Variants in FN3K observed in about 807,000 individuals in gnomAD.
FN3K encodes the protein fructosamine-3-kinase.
A neutral mutation model predicts 24.8 loss-of-function variants in FN3K; 24 were observed. The observed-to-expected ratio is 0.97, with a 90% CI of 0.70 to 1.36. The LOEUF (loss-of-function observed/expected upper bound fraction) is 1.36, where lower values mean the gene tolerates loss of function less well. FN3K is among the 40% of genes most tolerant of loss of function. The pLI, the probability that FN3K is intolerant of heterozygous loss-of-function variation, is 0.00. For missense variants in FN3K, 449 were observed against 416.7 expected, an observed-to-expected ratio of 1.08 and a Z score of -0.67; for synonymous variants, 192 against 175.2, an observed-to-expected ratio of 1.10 and a Z score of -0.76.
intron 4 of FN3K, chr17:82,742,796 A>C (rs2143645707): frequency 2.2e-6 from 1 of 446,114 alleles, no homozygotes; most frequent in East Asian, 7.1e-5. Context: ...GTTCAAAGTC[A>C]CTGCTTCTTG....
rs773269165 is a variant in FN3K, at chr17:82,740,746, A to C, written c.294-17A>C. On this transcript the variant is annotated splice_polypyrimidine_tract_variant and intron_variant, in intron 2 of 5. Coordinates refer to ENST00000300784, the MANE Select transcript of FN3K (RefSeq NM_022158.4). ...ATTATTTGTTATTTTAATTAGCTGC[A>C]TTTCTTCTTTCCTCAGTCAAGCATC... 1 of 1,584,780 alleles carries C rather than the reference A, an allele frequency of 6.3e-7. No homozygotes were observed. Among genetic ancestry groups the C allele is most frequent in the Non-Finnish European group, 8.7e-7 (1 of 1,154,118 alleles).
chr17:82,748,222 C>T (rs1384370502), intron 4 of FN3K, among the ~76,000 whole-genome samples: 3 of 151,110 alleles, frequency 2.0e-5, no homozygotes, highest in Non-Finnish European at 4.4e-5. Context: ...GATCTCGGCT[C>T]ACTGCACCCT....
intron 2 of FN3K, among the ~76,000 whole-genome samples, chr17:82,738,963 AAC>A (rs1158251453): frequency 1.8e-5 from 2 of 113,670 alleles, no homozygotes; most frequent in East Asian, 2.2e-4. Flanking sequence ...TTTTTTTTGA[AAC>A]ACAGTCTCGC....
intron 1 of FN3K, among the ~76,000 whole-genome samples, chr17:82,737,114 C>T (rs767694731): frequency 4.6e-5 from 7 of 152,182 alleles, no homozygotes; most frequent in Non-Finnish European, 8.8e-5. Flanking sequence ...CACCCACCCT[C>T]GGTGCAGGCT....
chr17:82,749,669 GA>G (rs976373360), intron 5 of FN3K: 1 of 156,970 alleles, frequency 6.4e-6, no homozygotes, highest in Non-Finnish European at 1.4e-5. Flanking sequence ...GTATCAAAAA[GA>G]AAAAAAATCA....
At chr17:82,749,357 ATGAC>A in intron 5 of FN3K, 1 of 349,968 alleles carries the variant, frequency 2.9e-6, no homozygotes. Flanking sequence ...ATGATCCAGA[ATGAC>A]TGATTTCAAA....
chr17:82,738,925 C>CGTATATATAT (rs1261335715), intron 2 of FN3K, among the ~76,000 whole-genome samples: 2 of 104,088 alleles, frequency 1.9e-5, no homozygotes, highest in African/African-American at 8.3e-5. Flanking sequence ...TATATATACA[C>CGTATATATAT]ATATATATAT....
intron 4 of FN3K, 72 bp from the exon 5 acceptor site, chr17:82,748,783 A>G: frequency 1.2e-6 from 2 of 1,609,692 alleles, no homozygotes; most frequent in South Asian, 2.2e-5. Flanking sequence ...TGGGTTTTGA[A>G]TGGTCCCTCT....
intron 1 of FN3K, chr17:82,738,260 C>T: frequency 8.7e-6 from 5 of 573,714 alleles, no homozygotes; most frequent in Non-Finnish European, 1.6e-5. Flanking sequence ...AGCCTGCAGA[C>T]CCCACACCCC....
At chr17:82,747,915 G>A (rs1228855623) in intron 4 of FN3K, among the ~76,000 whole-genome samples, 1 of 152,154 alleles carries the variant, frequency 6.6e-6, no homozygotes, top group East Asian at 1.9e-4. Context: ...TAGGGGTTAG[G>A]GCTTCAACGT....
intron 2 of FN3K, among the ~76,000 whole-genome samples, chr17:82,739,948 G>C (rs1267339169): frequency 1.3e-5 from 2 of 151,842 alleles, no homozygotes; most frequent in African/African-American, 4.8e-5. Flanking sequence ...CTGTCGCCCA[G>C]GCTGGAGTGC....
At position 82,750,804 on chromosome 17, in the gene FN3K, CGTCCCT is replaced by C. The variant is rs747183311; in HGVS notation, c.*55_*60del. 2.5e-5 allele frequency: 37 copies of C among 1,494,132 alleles called. No individual in the cohort carries two copies. Among genetic ancestry groups the C allele is most frequent in the South Asian group, 3.5e-5 (3 of 86,078 alleles). 92.6% of individuals were successfully genotyped at this position (1,494,132 alleles called of 1,614,324 possible). A position where few individuals can be genotyped will look rare whatever the true frequency, so the allele number is the denominator to read the frequency against. On this transcript the variant is annotated 3_prime_UTR_variant, in exon 6 of 6. Coordinates refer to ENST00000300784, the MANE Select transcript of FN3K (RefSeq NM_022158.4). Reference sequence around the variant, plus strand: ...GTCCCCGTCCCCGTCTCCGTCTCCCCGTCCCTGTCCCCCCGTCCCCCGTCCCTGTGC... The same window carrying C: ...GTCCCCGTCCCCGTCTCCGTCTCCCCGTCCCCCCGTCCCCCGTCCCTGTGC...
chr17:82,743,973 C>T (rs1232350920), intron 4 of FN3K, among the ~76,000 whole-genome samples: 1 of 152,268 alleles, frequency 6.6e-6, no homozygotes, highest in Non-Finnish European at 1.5e-5. Flanking sequence ...CGCCTGCTTC[C>T]AGCACTAAAC....
intron 1 of FN3K, among the ~76,000 whole-genome samples, chr17:82,737,076 C>T (rs1568066796): frequency 6.6e-6 from 1 of 152,104 alleles, no homozygotes; most frequent in Non-Finnish European, 1.5e-5. Context: ...TGGGGTGTGC[C>T]GGCCGCCCTC....
Position 82,735,706 on chromosome 17 carries a change from T to A in FN3K, c.70T>A (p.Cys24Ser). The A allele has an allele frequency of 6.5e-7, 1 of 1,549,062 alleles. No homozygotes were observed. Among genetic ancestry groups the A allele is most frequent in the Non-Finnish European group, 8.7e-7 (1 of 1,149,216 alleles). The part of the protein sequence containing the change: ...LRAFGGPGAG[C>S]ISEGRAYDTD... Reference sequence around the variant, plus strand: ...GGCCTTCGGCGGCCCCGGCGCCGGCTGCATCAGCGAGGGCCGAGCCTACGA... The same window carrying A: ...GGCCTTCGGCGGCCCCGGCGCCGGCAGCATCAGCGAGGGCCGAGCCTACGA... The change falls in exon 1 of 6, where the codon TGC becomes AGC. Residue 24 changes from cysteine (C) to serine (S), a missense_variant. By Grantham distance (112) the Cys-to-Ser change is moderately radical. Transcript: ENST00000300784.
Position 82,748,879 on chromosome 17 carries a change from C to A in FN3K, c.493C>A (p.Pro165Thr), listed in dbSNP as rs773480119. The change falls in exon 5 of 6, where the codon CCG becomes ACG. Residue 165 changes from proline (P) to threonine (T), a missense_variant. Transcript: ENST00000300784. Reference sequence around the variant, plus strand: ...GGTGAATGAGTGGCAGGATGACTGGCCGACCTTTTTCGCCCGGCACCGGCT... The same window carrying A: ...GGTGAATGAGTGGCAGGATGACTGGACGACCTTTTTCGCCCGGCACCGGCT... ...PQVNEWQDDW[P>T]TFFARHRLQA... The A allele has an allele frequency of 1.4e-5, 23 of 1,613,130 alleles. No homozygotes were observed. The highest frequency in any genetic ancestry group is 1.9e-5 in the Non-Finnish European group (22 of 1,179,978).
chr17:82,738,909 A>AATATATATATATACACATATATATATAT (rs2046922700), intron 2 of FN3K, among the ~76,000 whole-genome samples: 1 of 103,694 alleles, frequency 9.6e-6, no homozygotes, highest in Non-Finnish European at 1.9e-5. Flanking sequence ...GGCTGCATAA[A>AATATATATATATACACATATATATATAT]ATATATATAT....
chr17:82,735,794 A>G lies in FN3K; in HGVS notation c.141+17A>G. ...AGGACGCAGGTGCTGGCCCGTGCGC[A>G]GGCGGGGGCTCTGCGGGTCTCTGCG... On this transcript the variant is annotated intron_variant, in intron 1 of 5. Coordinates refer to ENST00000300784, the MANE Select transcript of FN3K (RefSeq NM_022158.4). 2.6e-6 allele frequency: 4 copies of G among 1,540,772 alleles called. No homozygotes were observed. Among genetic ancestry groups the G allele is most frequent in the Non-Finnish European group, 3.5e-6 (4 of 1,142,140 alleles).
Position 82,741,360 on chromosome 17 carries a change from C to G in FN3K, c.435C>G (p.Phe145Leu). 1 of 1,613,930 alleles carries G rather than the reference C, an allele frequency of 6.2e-7. No individual in the cohort carries two copies. The stretch of plus-strand genomic sequence containing the variant: ...CTCAGTATGTGGACAAGTTCGGCTT[C>G]CACACGGTGACGTGCTGCGGCTTCA... Reference protein sequence around the residue: ...AEPQYVDKFGFHTVTCCGFIP... With the variant: ...AEPQYVDKFGLHTVTCCGFIP... Residue 145 changes from phenylalanine (F) to leucine (L), a missense_variant, in exon 4 of 6, where the codon TTC becomes TTG. Phe to Leu is a conservative substitution (Grantham distance 22, BLOSUM62 0). Coordinates refer to ENST00000300784, the MANE Select transcript of FN3K (RefSeq NM_022158.4).
Sources: gnomAD v4.1 joint callset for allele counts (sites outside exome capture counted in the v4.1 genomes callset) on GRCh38, gnomAD v4.1.1 for gene constraint, MANE v1.5 for transcripts, NCBI Gene and HGNC (gene_info 2026-07-23, HGNC 2026-07-21) for gene names.